Variants in CCBE1 observed in about 807,000 individuals in gnomAD.
The protein encoded by CCBE1 is collagen and calcium binding EGF domains 1, also known as collagen and calcium-binding EGF domain-containing protein 1.
CCBE1 carries 37 observed loss-of-function variants against 50.0 expected under a neutral mutation model. The ratio of observed to expected loss-of-function variants is 0.74; its 90% CI spans 0.57 to 0.97. CCBE1 has a LOEUF of 0.97. Ranked by LOEUF, CCBE1 falls within the 50% of genes least tolerant of loss-of-function variation. The pLI is 0.00. For synonymous variants in CCBE1, 234 were observed against 203.7 expected (o/e 1.15, Z -1.27); for missense variants, 538 against 523.8 (o/e 1.03, Z -0.26).
chr18:59,607,058 A>G (rs1944976), intron 2 of CCBE1, among the ~76,000 whole-genome samples: 1,245 of 45,520 alleles, frequency 0.027, 16 homozygotes, highest in African/African-American at 0.14. Flanking sequence ...TTGAATTGGG[A>G]AAAAAAAAAA....
intron 2 of CCBE1, among the ~76,000 whole-genome samples, chr18:59,643,856 T>C (rs1269775163): frequency 6.6e-6 from 1 of 151,688 alleles, no homozygotes; most frequent in African/African-American, 2.4e-5. Context: ...GTTGAACAGG[T>C]TTCGAAACTG....
In CCBE1 at chr18:59,692,152, G is replaced by A. The variant is rs2054741254; in HGVS notation, c.212+4477C>T. Among the ~76,000 whole-genome samples the A allele has an allele frequency of 2.6e-5, 4 of 152,298 alleles. No individual in the cohort carries two copies. The South Asian group carries it at 8.3e-4, about 32-fold the overall frequency. Reference sequence around the variant, plus strand: ...TCTTTCAAAAAGATGAAGTTCATACGACTCACAAAATTCAACAAACATCCA... The same window carrying A: ...TCTTTCAAAAAGATGAAGTTCATACAACTCACAAAATTCAACAAACATCCA... On this transcript the variant is annotated intron_variant, in intron 2 of 10. Transcript: ENST00000439986.
chr18:59,613,863 G>GTTTTTTTT lies in CCBE1; in HGVS notation c.212+82758_212+82765dup, dbSNP rs34847608. ...GCACAAAGATGTTTTTCTCTGATGG[G>GTTTTTTTT]TTTTTTTTTTTTTTTTTTTTTTTGG... On this transcript the variant is annotated intron_variant, in intron 2 of 10. Coordinates refer to ENST00000439986, the MANE Select transcript of CCBE1 (RefSeq NM_133459.4). 6.0e-4 allele frequency among the ~76,000 whole-genome samples: 59 copies of GTTTTTTTT among 98,430 alleles called. 1 individual carries two copies. Among genetic ancestry groups the GTTTTTTTT allele is most frequent in the African/African-American group, 1.7e-3 (46 of 26,786 alleles). The allele number at this position is 98,430 out of a possible 152,430, so 64.6% of individuals were successfully genotyped here.
intron 9 of CCBE1, among the ~76,000 whole-genome samples, chr18:59,438,585 C>A (rs1252476808): frequency 6.6e-6 from 1 of 152,200 alleles, no homozygotes; most frequent in African/African-American, 2.4e-5. Flanking sequence ...TAAAGCAACA[C>A]TGGTTAAAGA....
chr18:59,447,420 A>G (rs1372609234), intron 7 of CCBE1, among the ~76,000 whole-genome samples: 1 of 152,218 alleles, frequency 6.6e-6, no homozygotes, highest in African/African-American at 2.4e-5. Context: ...ATGGGTAAAT[A>G]CATCTGTCAA....
At chr18:59,585,479 C>G (rs1412523470) in intron 2 of CCBE1, among the ~76,000 whole-genome samples, 1 of 152,088 alleles carries the variant, frequency 6.6e-6, no homozygotes, top group Non-Finnish European at 1.5e-5. Context: ...TCACATGTCC[C>G]AGAAACTCAG....
Position 59,454,886 on chromosome 18 carries a change from G to A in CCBE1, c.619C>T (p.Gln207Ter). ...TCCATCKEFYQMKQTVLQLKQ... is the reference protein window; with the variant it reads ...TCCATCKEFY ...AGCTGCAGCACGGTCTGCTTCATCT[G>A]GTAGAACTCCTTGCATGTGGCACAG... The change falls in exon 6 of 11, where the codon CAG becomes TAG. Residue 207 changes from glutamine to a stop codon, truncating the protein, a stop_gained. Coordinates refer to ENST00000439986, the MANE Select transcript of CCBE1 (RefSeq NM_133459.4). LOFTEE classifies it high-confidence loss of function. 6.2e-7 allele frequency: 1 copy of A among 1,614,222 alleles called. No homozygotes were observed. The highest frequency in any genetic ancestry group is 8.5e-7 in the Non-Finnish European group (1 of 1,180,042).
intron 2 of CCBE1, among the ~76,000 whole-genome samples, chr18:59,503,348 T>C (rs1913716894): frequency 7.5e-6 from 1 of 132,690 alleles, no homozygotes; most frequent in East Asian, 2.6e-4. Context: ...TGAACTGTGG[T>C]ATCACAGAGG....
At chr18:59,599,223 G>A (rs2144555147) in intron 2 of CCBE1, among the ~76,000 whole-genome samples, 1 of 152,208 alleles carries the variant, frequency 6.6e-6, no homozygotes, top group East Asian at 1.9e-4. Flanking sequence ...GATGAAGGCT[G>A]GGTGAAGGAC....
intron 2 of CCBE1, among the ~76,000 whole-genome samples, chr18:59,503,096 G>A (rs993629782): frequency 1.3e-5 from 2 of 152,178 alleles, no homozygotes; most frequent in Admixed American, 1.3e-4. Context: ...TCCCTCAAAG[G>A]ACAGGCCTGT....
chr18:59,547,018 G>C (rs1915711701), intron 2 of CCBE1, among the ~76,000 whole-genome samples: 1 of 135,522 alleles, frequency 7.4e-6, no homozygotes, highest in African/African-American at 2.8e-5. Flanking sequence ...GCTGTGGTTA[G>C]AGGAATGGGA....
At chr18:59,598,727 C>T (rs1446968532) in intron 2 of CCBE1, among the ~76,000 whole-genome samples, 1 of 152,198 alleles carries the variant, frequency 6.6e-6, no homozygotes, top group Non-Finnish European at 1.5e-5. Context: ...CTCTACATTC[C>T]CCTGACCCAA....
chr18:59,554,301 C>T (rs1916032500), intron 2 of CCBE1, among the ~76,000 whole-genome samples: 1 of 152,168 alleles, frequency 6.6e-6, no homozygotes, highest in Non-Finnish European at 1.5e-5. Flanking sequence ...ATACTTCTGT[C>T]CAGGTCAAAA....
intron 2 of CCBE1, among the ~76,000 whole-genome samples, chr18:59,682,259 G>C (rs2054600125): frequency 6.6e-6 from 1 of 152,186 alleles, no homozygotes; most frequent in African/African-American, 2.4e-5. Flanking sequence ...CTACTGGGGA[G>C]GCTGAGGCAG....
At chr18:59,486,767 C>A (rs1221330564) in intron 2 of CCBE1, among the ~76,000 whole-genome samples, 1 of 152,060 alleles carries the variant, frequency 6.6e-6, no homozygotes, top group Non-Finnish European at 1.5e-5. Context: ...CATCTTTCTC[C>A]CCAACCCCAA....
chr18:59,497,719 C>G (rs1913421014), intron 2 of CCBE1, among the ~76,000 whole-genome samples: 2 of 152,210 alleles, frequency 1.3e-5, no homozygotes, highest in South Asian at 4.1e-4. Context: ...TCCATCACTT[C>G]CTATGGTCCA....
chr18:59,676,408 C>T (rs1173884924), intron 2 of CCBE1, among the ~76,000 whole-genome samples: 1 of 152,212 alleles, frequency 6.6e-6, no homozygotes, highest in Non-Finnish European at 1.5e-5. Context: ...AATGCCAGCT[C>T]TATTTCATAT....
intron 2 of CCBE1, among the ~76,000 whole-genome samples, chr18:59,518,020 G>A (rs977393596): frequency 5.9e-5 from 9 of 152,122 alleles, no homozygotes; most frequent in Admixed American, 3.9e-4. Context: ...AGTTGGGGGC[G>A]GAGGAAACTT....
chr18:59,584,782 T>C (rs2053153243), intron 2 of CCBE1, among the ~76,000 whole-genome samples: 1 of 152,228 alleles, frequency 6.6e-6, no homozygotes, highest in Non-Finnish European at 1.5e-5. Flanking sequence ...GCTCTCTGAA[T>C]AGCCTGCAGA....
Sources: allele counts gnomAD v4.1 joint callset (sites outside exome capture counted in the v4.1 genomes callset), GRCh38; gene constraint gnomAD v4.1.1; transcripts MANE v1.5; gene names NCBI Gene and HGNC (gene_info 2026-07-23, HGNC 2026-07-21).